FAT3: variants seen among roughly 807,000 people sequenced by gnomAD.
FAT3 encodes the protein FAT atypical cadherin 3, also known as protocadherin Fat 3.
FAT3 carries 95 observed loss-of-function variants against 310.2 expected under a neutral mutation model. That is an observed-to-expected ratio of 0.31 (90% CI 0.26 to 0.36). The LOEUF (loss-of-function observed/expected upper bound fraction) is 0.36, where lower values mean the gene tolerates loss of function less well. Among genes scored for constraint, FAT3 ranks in the 10% least tolerant of loss-of-function variants. The probability of loss-of-function intolerance (pLI) is 1.00; values close to 1 mark genes in which losing one functional copy is unlikely to be tolerated. For missense variants in FAT3, 5,408 were observed against 5,715.6 expected (o/e 0.95, Z 1.74); for synonymous variants, 2,314 against 2,192.9 (o/e 1.06, Z -1.54).
chr11:92,283,281 A>G (rs1946475324), intron 1 of FAT3, among the ~76,000 whole-genome samples: 1 of 152,204 alleles, frequency 6.6e-6, no homozygotes, highest in Non-Finnish European at 1.5e-5. Flanking sequence ...CCATGAGTGA[A>G]GAGGCATTCA....
intron 3 of FAT3, among the ~76,000 whole-genome samples, chr11:92,533,464 G>A (rs1954147333): frequency 1.3e-5 from 2 of 152,298 alleles, no homozygotes; most frequent in African/African-American, 2.4e-5. Flanking sequence ...CAGGGCAACA[G>A]CATGTGTTTT....
intron 2 of FAT3, among the ~76,000 whole-genome samples, chr11:92,445,552 C>T (rs756299665): frequency 6.6e-6 from 1 of 152,150 alleles, no homozygotes; most frequent in Non-Finnish European, 1.5e-5. Flanking sequence ...CAATAATGGT[C>T]CACTGTGACT....
chr11:92,540,384 G>A (rs775692902), intron 3 of FAT3, among the ~76,000 whole-genome samples: 1 of 152,124 alleles, frequency 6.6e-6, no homozygotes, highest in Non-Finnish European at 1.5e-5. Flanking sequence ...TTGCACTGGT[G>A]AAGTGGCCAT....
At chr11:92,576,365 G>C (rs762294529) in intron 3 of FAT3, among the ~76,000 whole-genome samples, 21 of 152,128 alleles carry the variant, frequency 1.4e-4, no homozygotes, top group Non-Finnish European at 2.2e-4. Context: ...TGAGGTCTTT[G>C]GGACATTTTT....
intron 3 of FAT3, among the ~76,000 whole-genome samples, chr11:92,597,107 C>A (rs1459284419): frequency 6.6e-6 from 1 of 152,138 alleles, no homozygotes; most frequent in African/African-American, 2.4e-5. Flanking sequence ...TGTCTGATGT[C>A]ACAAATAACT....
At chr11:92,429,171 G>A (rs1950707580) in intron 2 of FAT3, among the ~76,000 whole-genome samples, 1 of 151,920 alleles carries the variant, frequency 6.6e-6, no homozygotes, top group Admixed American at 6.6e-5. Flanking sequence ...CTGGTTTAAG[G>A]TCTGTTTTAT....
At chr11:92,238,863 C>G (rs1278926069) in intron 1 of FAT3, among the ~76,000 whole-genome samples, 2 of 152,026 alleles carry the variant, frequency 1.3e-5, no homozygotes, top group Non-Finnish European at 2.9e-5. Context: ...TCCTGCTGGT[C>G]AGTTGGTATT....
intron 4 of FAT3, among the ~76,000 whole-genome samples, chr11:92,757,541 G>A (rs1043162654): frequency 4.6e-5 from 7 of 152,140 alleles, no homozygotes; most frequent in African/African-American, 1.7e-4. Context: ...TCGAAGGGAG[G>A]TTTCAGGCCT....
intron 6 of FAT3, among the ~76,000 whole-genome samples, chr11:92,771,131 A>C (rs1946445059): frequency 6.6e-6 from 1 of 152,036 alleles, no homozygotes; most frequent in South Asian, 2.1e-4. Flanking sequence ...TGAAACTCAG[A>C]CCAGCTCTGC....
In FAT3 at chr11:92,308,402, C is replaced by T. The variant is rs148846128; in HGVS notation, c.-17-43694C>T. The stretch of plus-strand genomic sequence containing the variant: ...AATGAAATGCTGAAATATACCAATA[C>T]TGCTTTGGATGTTGTTTTATCTCTG... On this transcript the variant is annotated intron_variant, in intron 1 of 27. Coordinates refer to ENST00000525166, the MANE Select transcript of FAT3 (RefSeq NM_001367949.2). Among the ~76,000 whole-genome samples, 90 of 152,074 alleles carry T rather than the reference C, an allele frequency of 5.9e-4. 2 individuals are homozygous for T. The highest frequency in any genetic ancestry group is 2.1e-3 in the African/African-American group (87 of 41,466).
chr11:92,575,190 G>A (rs1457182683), intron 3 of FAT3, among the ~76,000 whole-genome samples: 2 of 152,036 alleles, frequency 1.3e-5, no homozygotes, highest in South Asian at 4.1e-4. Flanking sequence ...CTAAGTATAG[G>A]TGATGTAAGG....
At chr11:92,793,548 A>T (rs899019516) in intron 9 of FAT3, among the ~76,000 whole-genome samples, 1 of 152,192 alleles carries the variant, frequency 6.6e-6, no homozygotes, top group African/African-American at 2.4e-5. Context: ...TAAATTTGAG[A>T]TGTTTTAAAA....
chr11:92,891,063 G>A lies in FAT3; in HGVS notation c.13720G>A (p.Ala4574Thr), dbSNP rs777650921. The A allele has an allele frequency of 9.9e-6, 16 of 1,613,532 alleles. No individual in the cohort carries two copies. The East Asian group carries it at 1.3e-4, about 13-fold the overall frequency. ...CGAGAGCGTGGGAGAGCTCAGCCTC[G>A]CCAGCCTTCACATTCCCTTTGTGGA... Reference protein sequence around the residue: ...DYESVGELSLASLHIPFVETQ... With the variant: ...DYESVGELSLTSLHIPFVETQ... The change falls in exon 28 of 28, where the codon GCC (alanine) becomes ACC (threonine). Residue 4574 changes from alanine to threonine, a missense_variant. By Grantham distance (58) the Ala-to-Thr change is moderately conservative. Transcript: ENST00000525166.
At chr11:92,505,201 G>C (rs371571258) in intron 2 of FAT3, among the ~76,000 whole-genome samples, 16 of 152,088 alleles carry the variant, frequency 1.1e-4, no homozygotes, top group Non-Finnish European at 2.4e-4. Context: ...TGCTACCTCC[G>C]TTGAACCAAT....
chr11:92,452,031 A>G (rs1951366846), intron 2 of FAT3, among the ~76,000 whole-genome samples: 1 of 152,178 alleles, frequency 6.6e-6, no homozygotes, highest in African/African-American at 2.4e-5. Flanking sequence ...GCCTTTATAC[A>G]TAGATAGGCA....
At chr11:92,314,760 G>C (rs1464172260) in intron 1 of FAT3, among the ~76,000 whole-genome samples, 1 of 152,178 alleles carries the variant, frequency 6.6e-6, no homozygotes, top group African/African-American at 2.4e-5. Flanking sequence ...GTTTTTAGCT[G>C]TGTTATCTTG....
intron 3 of FAT3, among the ~76,000 whole-genome samples, chr11:92,652,929 G>A (rs941895369): frequency 6.6e-6 from 1 of 152,144 alleles, no homozygotes; most frequent in Admixed American, 6.5e-5. Flanking sequence ...TTGGGAAGCC[G>A]AGGCGGGTAG....
intron 3 of FAT3, among the ~76,000 whole-genome samples, chr11:92,534,234 A>T (rs1195102015): frequency 6.6e-6 from 1 of 152,088 alleles, no homozygotes; most frequent in East Asian, 1.9e-4. Flanking sequence ...GAGCCATGCC[A>T]ACATGTTCAT....
chr11:92,243,212 T>C (rs948178791), intron 1 of FAT3, among the ~76,000 whole-genome samples: 1 of 152,002 alleles, frequency 6.6e-6, no homozygotes, highest in Non-Finnish European at 1.5e-5. Context: ...TGAATTGAAA[T>C]CAACCAATAT....
Sources: allele counts gnomAD v4.1 joint callset (sites outside exome capture counted in the v4.1 genomes callset), GRCh38; gene constraint gnomAD v4.1.1; transcripts MANE v1.5; gene names NCBI Gene and HGNC (gene_info 2026-07-23, HGNC 2026-07-21).